NOX4: variants seen among roughly 807,000 people sequenced by gnomAD.
The protein encoded by NOX4 is NADPH oxidase 4, also known as kidney oxidase-1.
A neutral mutation model predicts 87.6 loss-of-function variants in NOX4; 69 were observed. That is an observed-to-expected ratio of 0.79 (90% CI 0.65 to 0.96). The LOEUF is 0.96. Ranked by LOEUF, NOX4 falls within the 40% of genes least tolerant of loss-of-function variation. The pLI, the probability that NOX4 is intolerant of heterozygous loss-of-function variation, is 0.00. For missense variants in NOX4, 680 were observed against 681.5 expected, an observed-to-expected ratio of 1.00 and a Z score of 0.02; for synonymous variants, 275 against 238.2, an observed-to-expected ratio of 1.15 and a Z score of -1.42.
chr11:89,487,921 C>T (rs514981), intron 2 of NOX4, among the ~76,000 whole-genome samples: 26,731 of 151,994 alleles, frequency 0.18, 2,509 homozygotes, highest in East Asian at 0.25. Context: ...TTAAACACTA[C>T]TTCATAGATA....
the NOX4 span, among the ~76,000 whole-genome samples, chr11:89,540,994 T>TAC: frequency 6.6e-6 from 1 of 151,892 alleles, no homozygotes; most frequent in East Asian, 1.9e-4. Context: ...CAAAGTACTT[T>TAC]ACATTTTTCT....
the NOX4 span, among the ~76,000 whole-genome samples, chr11:89,518,830 T>C: frequency 2.0e-5 from 3 of 152,078 alleles, no homozygotes; most frequent in African/African-American, 2.4e-5. Flanking sequence ...ACCTAAAATA[T>C]ACTCTATTTT....
chr11:89,555,639 A>G, the NOX4 span, among the ~76,000 whole-genome samples: 2 of 152,074 alleles, frequency 1.3e-5, no homozygotes, highest in African/African-American at 4.8e-5. Flanking sequence ...GGAATTTGGG[A>G]CGGGAAAGGC....
In NOX4 at chr11:89,464,385, G is replaced by A. The variant is rs1358198110; in HGVS notation, c.154-12490C>T. ...GAAAACTTTTTACTAGGTTTTCAGA[G>A]TACAAAAGGTTCTCATTCAGAAGCA... On this transcript the variant is annotated intron_variant, in intron 2 of 17. Transcript: ENST00000263317. 2.6e-5 allele frequency among the ~76,000 whole-genome samples: 4 copies of A among 152,122 alleles called. No individual in the cohort carries two copies. In the South Asian group the frequency reaches 8.3e-4, roughly 32 times the overall value.
the NOX4 span, among the ~76,000 whole-genome samples, chr11:89,518,720 A>G: frequency 2.0e-4 from 31 of 152,084 alleles, 1 homozygote; most frequent in Admixed American, 2.0e-3. Context: ...TGTATGGTAT[A>G]ATAAAAGAAT....
chr11:89,510,416 T>G, the NOX4 span, among the ~76,000 whole-genome samples: 1 of 152,128 alleles, frequency 6.6e-6, no homozygotes, highest in Non-Finnish European at 1.5e-5. Flanking sequence ...TTCTGAGATC[T>G]TCTCTGGCTT....
In NOX4 at chr11:89,389,446, A is replaced by T. The variant is rs561142609; in HGVS notation, c.1074+10571T>A. Among the ~76,000 whole-genome samples, 5 of 152,170 alleles carry T rather than the reference A, an allele frequency of 3.3e-5. 1 individual carries two copies. Among genetic ancestry groups the T allele is most frequent in the Admixed American group, 2.6e-4 (4 of 15,262 alleles). Reference sequence around the variant, plus strand: ...TAAAACTCAAACTACTGAATTTGTAATAGCTGTATATATTATTGATTTGAT... The same window carrying T: ...TAAAACTCAAACTACTGAATTTGTATTAGCTGTATATATTATTGATTTGAT... On this transcript the variant is annotated intron_variant, in intron 11 of 17. Coordinates refer to ENST00000263317, the MANE Select transcript of NOX4 (RefSeq NM_016931.5).
the NOX4 span, among the ~76,000 whole-genome samples, chr11:89,574,425 T>C: frequency 6.6e-6 from 1 of 152,226 alleles, no homozygotes; most frequent in Non-Finnish European, 1.5e-5. Flanking sequence ...AAGCAGGCTC[T>C]TCTCTCTAGA....
At chr11:89,339,771 T>C (rs1267603635) in intron 15 of NOX4, among the ~76,000 whole-genome samples, 1 of 152,168 alleles carries the variant, frequency 6.6e-6, no homozygotes, top group Non-Finnish European at 1.5e-5. Flanking sequence ...TATGCATACA[T>C]TTCTATGTGA....
At chr11:89,394,248 T>C (rs1941321896) in intron 11 of NOX4, among the ~76,000 whole-genome samples, 1 of 152,174 alleles carries the variant, frequency 6.6e-6, no homozygotes, top group Admixed American at 6.6e-5. Context: ...TTTTCAGTGA[T>C]TGAGTATATA....
chr11:89,350,570 G>A (rs906285392), intron 13 of NOX4, among the ~76,000 whole-genome samples: 1 of 152,110 alleles, frequency 6.6e-6, no homozygotes, highest in Non-Finnish European at 1.5e-5. Context: ...CTGTGATATG[G>A]TATAACTTTA....
Position 89,451,797 on chromosome 11 carries a change from T to G in NOX4, c.252A>C (p.Arg84=). ...PMCRTLLAYL[R]GSQKVPSRRT... is the part of the protein sequence containing the mutation. ...TGTTTTTTCTTACCTTCTGTGATCCTCGGAGGTAAGCCAAGAGTGTTCGGC... is the reference window on the plus strand; with the variant it reads ...TGTTTTTTCTTACCTTCTGTGATCCGCGGAGGTAAGCCAAGAGTGTTCGGC... Residue 84 remains arginine, a synonymous_variant, in exon 3 of 18, where the codon CGA becomes CGC. Coordinates refer to ENST00000263317, the MANE Select transcript of NOX4 (RefSeq NM_016931.5). 8.7e-6 allele frequency: 14 copies of G among 1,610,182 alleles called. No homozygotes were observed. Among genetic ancestry groups the G allele is most frequent in the African/African-American group, 1.3e-5 (1 of 74,932 alleles).
chr11:89,548,902 A>AC, the NOX4 span: 9 of 152,114 alleles, frequency 5.9e-5, no homozygotes, highest in Admixed American at 2.6e-4. Context: ...CTCCAGACTC[A>AC]CCCCATCCCA....
At chr11:89,458,576 A>C (rs1450826757) in intron 2 of NOX4, among the ~76,000 whole-genome samples, 1 of 152,154 alleles carries the variant, frequency 6.6e-6, no homozygotes, top group Non-Finnish European at 1.5e-5. Flanking sequence ...TAGTACACAG[A>C]TTCTGTGAGA....
At chr11:89,463,959 G>A (rs1331855087) in intron 2 of NOX4, among the ~76,000 whole-genome samples, 3 of 151,936 alleles carry the variant, frequency 2.0e-5, no homozygotes, top group Admixed American at 6.6e-5. Context: ...GAACATTTTA[G>A]CTCAAAGGAT....
At chr11:89,425,424 A>AC (rs1943332299) in intron 7 of NOX4, among the ~76,000 whole-genome samples, 1 of 147,508 alleles carries the variant, frequency 6.8e-6, no homozygotes, top group African/African-American at 2.6e-5. Context: ...AAAAAAAAAA[A>AC]CAAAACAAAA....
chr11:89,588,386 C>T, the NOX4 span, among the ~76,000 whole-genome samples: 2 of 152,098 alleles, frequency 1.3e-5, no homozygotes, highest in African/African-American at 4.8e-5. Context: ...GAAATACATT[C>T]CAGAAATCAT....
chr11:89,415,813 T>C (rs1942736257), intron 8 of NOX4, among the ~76,000 whole-genome samples: 1 of 152,080 alleles, frequency 6.6e-6, no homozygotes, highest in Non-Finnish European at 1.5e-5. Context: ...GAACAGGTCA[T>C]CTATATCAGT....
At chr11:89,428,111 A>G (rs185692897) in intron 7 of NOX4, among the ~76,000 whole-genome samples, 6 of 152,250 alleles carry the variant, frequency 3.9e-5, no homozygotes, top group Admixed American at 3.9e-4. Context: ...TTCATATCCA[A>G]CCAAACTAAG....
Sources: allele counts gnomAD v4.1 joint callset (sites outside exome capture counted in the v4.1 genomes callset), GRCh38; gene constraint gnomAD v4.1.1; transcripts MANE v1.5; gene names NCBI Gene and HGNC (gene_info 2026-07-23, HGNC 2026-07-21).